Variants in CATSPERB observed in about 807,000 individuals in gnomAD.
The protein encoded by CATSPERB is catsper channel auxiliary subunit beta.
A neutral mutation model predicts 128.3 loss-of-function variants in CATSPERB; 93 were observed. That is an observed-to-expected ratio of 0.72 (90% CI 0.61 to 0.86). CATSPERB has a LOEUF of 0.86. Among genes scored for constraint, CATSPERB ranks in the 40% least tolerant of loss-of-function variants. The probability of loss-of-function intolerance (pLI) is 0.00; values close to 1 mark genes in which losing one functional copy is unlikely to be tolerated. For synonymous variants in CATSPERB, 381 were observed against 448.8 expected (o/e 0.85, Z 1.91); for missense variants, 1,153 against 1,329.5 (o/e 0.87, Z 2.06).
At chr14:91,604,370 C>A (rs1481731527) in intron 22 of CATSPERB, 21 of 902,968 alleles carry the variant, frequency 2.3e-5, no homozygotes, top group Non-Finnish European at 3.8e-5. Flanking sequence ...AGTGCCCAGA[C>A]TGAAATTGAT....
chr14:91,589,706 G>C, intron 23 of CATSPERB, 37 bp from the exon 24 acceptor site: 1 of 1,596,120 alleles, frequency 6.3e-7, no homozygotes, highest in Non-Finnish European at 8.6e-7. Context: ...GTAAACTTGG[G>C]AAAGTCAATA....
chr14:91,612,547 T>G (rs1893855439), intron 20 of CATSPERB, among the ~76,000 whole-genome samples: 1 of 152,194 alleles, frequency 6.6e-6, no homozygotes, highest in Admixed American at 6.5e-5. Flanking sequence ...TTTAAAAATA[T>G]ACGCACAGTA....
At chr14:91,689,374 A>G (rs1178011439) in intron 10 of CATSPERB, among the ~76,000 whole-genome samples, 1 of 152,174 alleles carries the variant, frequency 6.6e-6, no homozygotes, top group Non-Finnish European at 1.5e-5. Context: ...GAGATTCCTC[A>G]AAGCAGGCTC....
chr14:91,678,058 C>T (rs1895219363), intron 11 of CATSPERB, among the ~76,000 whole-genome samples: 1 of 152,112 alleles, frequency 6.6e-6, no homozygotes, highest in African/African-American at 2.4e-5. Flanking sequence ...AAGGGAACAA[C>T]ACACACCAGG....
chr14:91,652,716 AAGAGGCAAG>A (rs1172406715), intron 15 of CATSPERB, among the ~76,000 whole-genome samples: 4 of 148,110 alleles, frequency 2.7e-5, no homozygotes, highest in Admixed American at 6.7e-5. Flanking sequence ...GAAATGCAGC[AAGAGGCAAG>A]AGGGAGCTTT....
intron 20 of CATSPERB, among the ~76,000 whole-genome samples, chr14:91,613,185 C>T (rs894319242): frequency 6.6e-6 from 1 of 151,890 alleles, no homozygotes; most frequent in Non-Finnish European, 1.5e-5. Flanking sequence ...AAATCACATG[C>T]CTGATGTTTG....
intron 10 of CATSPERB, among the ~76,000 whole-genome samples, chr14:91,686,566 T>A (rs1895379199): frequency 6.6e-6 from 1 of 152,140 alleles, no homozygotes; most frequent in African/African-American, 2.4e-5. Flanking sequence ...CCCTTCTACC[T>A]TTGGAACACT....
chr14:91,676,025 T>G (rs1391416841), intron 11 of CATSPERB, among the ~76,000 whole-genome samples: 1 of 152,204 alleles, frequency 6.6e-6, no homozygotes, highest in African/African-American at 2.4e-5. Context: ...CCACTTGTTT[T>G]GCCATCTCAT....
Position 91,672,988 on chromosome 14 carries a change from G to C in CATSPERB, c.1007C>G (p.Pro336Arg), listed in dbSNP as rs778767607. ...TAAGCAGGGTACCCATTCAAGAAAT[G>C]GTTCCTGACTATAAAAACAAGAGCT... ...ESSSCFYSQE[P>R]FLEWVPCLPH... Residue 336 changes from proline (P) to arginine (R), a missense_variant, in exon 13 of 27, where the codon CCA (proline) becomes CGA (arginine). By Grantham distance (103) the Pro-to-Arg change is moderately radical (BLOSUM62 -2). Transcript: ENST00000256343. 6.3e-7 allele frequency: 1 copy of C among 1,579,996 alleles called. No individual in the cohort carries two copies. The highest frequency in any genetic ancestry group is 1.4e-5 in the African/African-American group (1 of 72,248).
intron 22 of CATSPERB, among the ~76,000 whole-genome samples, chr14:91,599,410 T>A (rs1390408489): frequency 6.6e-6 from 1 of 151,760 alleles, no homozygotes; most frequent in Non-Finnish European, 1.5e-5. Context: ...ATACAAAAAA[T>A]TAGCTGGGTG....
intron 22 of CATSPERB, among the ~76,000 whole-genome samples, chr14:91,594,695 G>A (rs536779231): frequency 6.6e-6 from 1 of 152,062 alleles, no homozygotes; most frequent in Admixed American, 6.6e-5. Flanking sequence ...TTAGCAGGTT[G>A]TGAAACCTCA....
intron 26 of CATSPERB, 48 bp downstream of exon 26, chr14:91,587,154 T>C (rs1433144979): frequency 6.9e-7 from 1 of 1,456,960 alleles, no homozygotes; most frequent in Admixed American, 2.1e-5. Context: ...TTTTGTCATG[T>C]TTTTTCCCCA....
At chr14:91,677,504 T>A (rs1266552727) in intron 11 of CATSPERB, among the ~76,000 whole-genome samples, 1 of 152,080 alleles carries the variant, frequency 6.6e-6, no homozygotes. Context: ...AAAACCACAA[T>A]GAGATACCAT....
At chr14:91,722,951 A>G in intron 4 of CATSPERB, 98 bp downstream of exon 4, 1 of 924,688 alleles carries the variant, frequency 1.1e-6, no homozygotes, top group Non-Finnish European at 1.5e-6. Context: ...CATAGATGTA[A>G]TATTACTCAG....
At chr14:91,698,131 TG>T (rs1045989742) in intron 7 of CATSPERB, among the ~76,000 whole-genome samples, 2 of 151,940 alleles carry the variant, frequency 1.3e-5, no homozygotes, top group Non-Finnish European at 2.9e-5. Flanking sequence ...GTGTGTGTGG[TG>T]GGGGGTATTG....
intron 19 of CATSPERB, among the ~76,000 whole-genome samples, chr14:91,619,998 A>C (rs1894013742): frequency 1.3e-5 from 2 of 151,558 alleles, no homozygotes; most frequent in South Asian, 4.2e-4. Flanking sequence ...GGCCTCCCAA[A>C]GTGCTGGGAT....
rs143049898 is a variant in CATSPERB at position 91,591,216 on chromosome 14, G to A, written c.2820+676C>T. On this transcript the variant is annotated intron_variant, in intron 23 of 26. Transcript: ENST00000256343. The stretch of plus-strand genomic sequence containing the variant: ...ACTACAGGTGCAAGCCACCATGCCC[G>A]GCTGATTTTTGTATTTTTAGTAGAG... 2.0e-3 allele frequency among the ~76,000 whole-genome samples: 311 copies of A among 151,992 alleles called. 1 individual carries two copies. The highest frequency in any genetic ancestry group is 6.5e-3 in the African/African-American group (270 of 41,454).
intron 7 of CATSPERB, among the ~76,000 whole-genome samples, chr14:91,699,863 G>A (rs576623223): frequency 9.9e-4 from 151 of 151,974 alleles, no homozygotes; most frequent in South Asian, 2.1e-3. Flanking sequence ...ATGAGTCACC[G>A]TGCCCAGCCT....
intron 2 of CATSPERB, among the ~76,000 whole-genome samples, chr14:91,726,040 G>A (rs568123085): frequency 6.6e-6 from 1 of 152,192 alleles, no homozygotes; most frequent in East Asian, 1.9e-4. Context: ...AAAATCCAGG[G>A]GAAGATCATC....
Sources: allele counts gnomAD v4.1 joint callset (sites outside exome capture counted in the v4.1 genomes callset), GRCh38; gene constraint gnomAD v4.1.1; transcripts MANE v1.5; gene names NCBI Gene and HGNC (gene_info 2026-07-23, HGNC 2026-07-21).